NTRK3: variants seen among roughly 807,000 people sequenced by gnomAD.
The protein encoded by NTRK3 is neurotrophic receptor tyrosine kinase 3.
Under a neutral mutation model 91.7 loss-of-function variants are expected in NTRK3, and 24 were observed. The ratio of observed to expected loss-of-function variants is 0.26; its 90% CI spans 0.19 to 0.37. NTRK3 has a LOEUF of 0.37. Among genes scored for constraint, NTRK3 ranks in the 10% least tolerant of loss-of-function variants. NTRK3 has a pLI of 1.00. For missense variants in NTRK3, 880 were observed against 1,068.9 expected (o/e 0.82, Z 2.46); for synonymous variants, 483 against 404.0 (o/e 1.20, Z -2.34).
At chr15:88,144,318 GC>G (rs2042674785) in intron 6 of NTRK3, among the ~76,000 whole-genome samples, 1 of 152,276 alleles carries the variant, frequency 6.6e-6, no homozygotes, top group South Asian at 2.1e-4. Flanking sequence ...TAAGAGGTAC[GC>G]CCCCCTGGAC....
chr15:87,869,058 T>C (rs757251209), exon 19 of NTRK3: 3 of 228,896 alleles, frequency 1.3e-5, no homozygotes, highest in Non-Finnish European at 2.6e-5. Flanking sequence ...TAAGATATGC[T>C]GTGAAACTGT....
chr15:88,121,097 T>G (rs1299472285), intron 13 of NTRK3, among the ~76,000 whole-genome samples: 1 of 82,650 alleles, frequency 1.2e-5, no homozygotes, highest in Non-Finnish European at 2.6e-5. Flanking sequence ...ATGTATGTAT[T>G]TTTTTTACAG....
At chr15:88,041,340 C>A (rs527501348) in intron 13 of NTRK3, among the ~76,000 whole-genome samples, 110 of 152,334 alleles carry the variant, frequency 7.2e-4, no homozygotes, top group Non-Finnish European at 1.3e-3. Context: ...AGCAATCTCA[C>A]TTCCCAACTC....
intron 3 of NTRK3, among the ~76,000 whole-genome samples, chr15:88,208,265 G>A (rs1460119284): frequency 6.6e-6 from 1 of 151,688 alleles, no homozygotes. Flanking sequence ...ACACTCAAGG[G>A]GATCCTTCAT....
intron 13 of NTRK3, among the ~76,000 whole-genome samples, chr15:88,083,255 T>C (rs2048216037): frequency 6.6e-6 from 1 of 152,030 alleles, no homozygotes; most frequent in African/African-American, 2.4e-5. Context: ...AGTCTCCCTC[T>C]TGTCACCCAG....
intron 14 of NTRK3, among the ~76,000 whole-genome samples, chr15:87,983,119 C>G (rs1596520552): frequency 1.3e-5 from 2 of 152,340 alleles, no homozygotes; most frequent in African/African-American, 4.8e-5. Context: ...TTCAAACATC[C>G]CCTCTTCAAA....
intron 17 of NTRK3, chr15:87,928,292 A>AT (rs780518996): frequency 1.3e-5 from 2 of 152,086 alleles, no homozygotes; most frequent in East Asian, 1.9e-4. Flanking sequence ...GATCTTCTGT[A>AT]TTTTTTAGCA....
chr15:87,990,548 G>A (rs1395031447), intron 14 of NTRK3, among the ~76,000 whole-genome samples: 1 of 152,134 alleles, frequency 6.6e-6, no homozygotes, highest in African/African-American at 2.4e-5. Context: ...AGCAGAGGAG[G>A]AAACTAAAGC....
At chr15:88,024,189 T>TG (rs2077829211) in intron 14 of NTRK3, among the ~76,000 whole-genome samples, 1 of 152,234 alleles carries the variant, frequency 6.6e-6, no homozygotes, top group East Asian at 1.9e-4. Flanking sequence ...ATAAGCCGCT[T>TG]GCACACTCTG....
chr15:88,083,935 T>C (rs2048279637), intron 13 of NTRK3, among the ~76,000 whole-genome samples: 1 of 152,078 alleles, frequency 6.6e-6, no homozygotes, highest in African/African-American at 2.4e-5. Flanking sequence ...TCCCAGACCC[T>C]GGCAGAGACA....
intron 11 of NTRK3, among the ~76,000 whole-genome samples, chr15:88,127,832 C>T (rs1227728204): frequency 6.6e-6 from 1 of 152,222 alleles, no homozygotes; most frequent in Non-Finnish European, 1.5e-5. Flanking sequence ...GAAACACCAC[C>T]TTTACCCAGC....
chr15:88,025,187 G>C (rs1803209888), intron 14 of NTRK3, among the ~76,000 whole-genome samples: 1 of 152,138 alleles, frequency 6.6e-6, no homozygotes, highest in Non-Finnish European at 1.5e-5. Flanking sequence ...AACCTCACTT[G>C]GTATAACCAT....
Position 88,106,461 on chromosome 15 carries a change from C to T in NTRK3, c.1396+19810G>A, listed in dbSNP as rs148426234. Among the ~76,000 whole-genome samples, 80 of 151,972 alleles carry T rather than the reference C, an allele frequency of 5.3e-4. No individual in the cohort carries two copies. In the East Asian group the frequency reaches 0.013, roughly 25 times the overall value. On this transcript the variant is annotated intron_variant, in intron 13 of 18. Coordinates refer to ENST00000394480, the Ensembl canonical transcript of NTRK3. ...GTGAAATGGTATAATACACAAGCAA[C>T]GTGAAAAGAAAGAATGTAAGAAAGG...
rs928091323 is a variant in NTRK3, at chr15:87,979,148, G to A, written c.1586-38395C>T. The A allele has an allele frequency of 1.3e-5, 8 of 626,256 alleles. No homozygotes were observed. In the African/African-American group the frequency reaches 1.5e-4, roughly 12 times the overall value. 38.8% of individuals were successfully genotyped at this position (626,256 alleles called of 1,614,324 possible). A position where few individuals can be genotyped will look rare whatever the true frequency, so the allele number is the denominator to read the frequency against. ...AAAGGAGCACAGTGATGATTGGAGGGAAGGGGCAACCCTGCCAGTGGTGGA... is the reference window on the plus strand; with the variant it reads ...AAAGGAGCACAGTGATGATTGGAGGAAAGGGGCAACCCTGCCAGTGGTGGA... On this transcript the variant is annotated intron_variant, in intron 14 of 18. Transcript: ENST00000394480.
chr15:88,102,456 T>C (rs2050271205), intron 13 of NTRK3, among the ~76,000 whole-genome samples: 1 of 152,214 alleles, frequency 6.6e-6, no homozygotes. Flanking sequence ...ATAGGATGTC[T>C]ACAGTTAACA....
At chr15:88,021,585 A>C (rs2077594923) in intron 14 of NTRK3, among the ~76,000 whole-genome samples, 2 of 138,032 alleles carry the variant, frequency 1.4e-5, no homozygotes, top group Admixed American at 1.4e-4. Context: ...TTTACCATGA[A>C]ACTTTTTTTT....
At chr15:88,048,846 T>A (rs2080511497) in intron 13 of NTRK3, among the ~76,000 whole-genome samples, 1 of 152,108 alleles carries the variant, frequency 6.6e-6, no homozygotes, top group Non-Finnish European at 1.5e-5. Flanking sequence ...GCCACAAGGG[T>A]CCTGAGTTCT....
intron 5 of NTRK3, among the ~76,000 whole-genome samples, chr15:88,167,524 G>T (rs2045092835): frequency 6.6e-6 from 1 of 152,314 alleles, no homozygotes; most frequent in South Asian, 2.1e-4. Context: ...AGGGATGATG[G>T]TAATTGCTAG....
At chr15:88,236,444 AG>A (rs2051748062) in intron 3 of NTRK3, among the ~76,000 whole-genome samples, 1 of 150,254 alleles carries the variant, frequency 6.7e-6, no homozygotes, top group Non-Finnish European at 1.5e-5. Flanking sequence ...AGACTGAGTC[AG>A]GAGGATCACT....
Sources: allele counts gnomAD v4.1 joint callset (sites outside exome capture counted in the v4.1 genomes callset), GRCh38; gene constraint gnomAD v4.1.1; transcripts MANE v1.5; gene names NCBI Gene and HGNC (gene_info 2026-07-23, HGNC 2026-07-21).